The following SFMBT1 variants were observed in gnomAD, a reference collection of about 807,000 sequenced individuals.
The protein encoded by SFMBT1 is Scm like with four mbt domains 1, also known as scm-like with four MBT domains protein 1.
Under a neutral mutation model 108.7 loss-of-function variants are expected in SFMBT1, and 32 were observed. The observed-to-expected ratio is 0.29, with a 90% CI of 0.22 to 0.40. The LOEUF (loss-of-function observed/expected upper bound fraction) is 0.40. Ranked by LOEUF, SFMBT1 falls within the 10% of genes least tolerant of loss-of-function variation. The probability of loss-of-function intolerance (pLI) is 1.00; values close to 1 mark genes in which losing one functional copy is unlikely to be tolerated. For missense variants in SFMBT1, 816 were observed against 1,059.6 expected (o/e 0.77, Z 3.19); for synonymous variants, 348 against 369.5 (o/e 0.94, Z 0.67).
chr3:52,912,384 T>G (rs1702236580), intron 16 of SFMBT1, among the ~76,000 whole-genome samples, 154 bp downstream of exon 16: 1 of 152,166 alleles, frequency 6.6e-6, no homozygotes, highest in Non-Finnish European at 1.5e-5. Flanking sequence ...TTCATCATGT[T>G]GACCAGGCTG....
At chr3:52,949,222 T>C (rs1484384248) in intron 3 of SFMBT1, among the ~76,000 whole-genome samples, 1 of 152,146 alleles carries the variant, frequency 6.6e-6, no homozygotes, top group Non-Finnish European at 1.5e-5. Context: ...GTGTGCTTTA[T>C]GGGCCTGGGT....
At chr3:52,980,630 T>C (rs996488012) in intron 1 of SFMBT1, among the ~76,000 whole-genome samples, 2 of 135,778 alleles carry the variant, frequency 1.5e-5, no homozygotes, top group Non-Finnish European at 3.1e-5. Context: ...TCAAGATAAG[T>C]AAATCCAGCA....
intron 1 of SFMBT1, among the ~76,000 whole-genome samples, chr3:53,031,173 C>T (rs1699672736): frequency 6.6e-6 from 1 of 152,182 alleles, no homozygotes; most frequent in South Asian, 2.1e-4. Context: ...CCATTAACAA[C>T]AGTGGGAGGC....
At chr3:52,992,471 T>A (rs542377956) in intron 1 of SFMBT1, among the ~76,000 whole-genome samples, 5 of 152,332 alleles carry the variant, frequency 3.3e-5, no homozygotes, top group Admixed American at 1.3e-4. Flanking sequence ...AAAATTTTTT[T>A]AATAATAAAT....
At chr3:52,939,959 G>T (rs562671574) in intron 4 of SFMBT1, among the ~76,000 whole-genome samples, 2 of 151,034 alleles carry the variant, frequency 1.3e-5, no homozygotes, top group East Asian at 3.9e-4. Context: ...TTTTTTCACT[G>T]TTTCTATTAT....
chr3:53,043,119 A>T (rs1476668658), intron 1 of SFMBT1: 1 of 152,272 alleles, frequency 6.6e-6, no homozygotes, highest in Non-Finnish European at 1.5e-5. Context: ...GAACTAACAA[A>T]ATAAGAATTC....
Position 52,996,205 on chromosome 3 carries a change from C to G in SFMBT1, c.-130-26947G>C, listed in dbSNP as rs537951521. ...CAAAAAGCTCTTAAAAATAAACAAT[C>G]CTTTTTTTTTTTTTTTTTTTTTTTG... On this transcript the variant is annotated intron_variant, in intron 1 of 20. Transcript: ENST00000394752. 4.5e-4 allele frequency among the ~76,000 whole-genome samples: 59 copies of G among 132,300 alleles called. 3 individuals are homozygous for G. In the South Asian group the frequency reaches 0.013, roughly 29 times the overall value. 86.8% of individuals were successfully genotyped at this position (132,300 alleles called of 152,430 possible).
intron 1 of SFMBT1, among the ~76,000 whole-genome samples, chr3:53,015,368 T>G (rs1699091256): frequency 6.6e-6 from 1 of 151,772 alleles, no homozygotes; most frequent in Middle Eastern, 3.2e-3. Context: ...GAAAAAACAG[T>G]TTGGCAGTTC....
intron 2 of SFMBT1, among the ~76,000 whole-genome samples, chr3:52,961,414 T>C (rs185604937): frequency 1.3e-5 from 2 of 152,170 alleles, no homozygotes; most frequent in African/African-American, 4.8e-5. Flanking sequence ...CACTTAAAAA[T>C]TGTTAAAACG....
At chr3:52,915,742 C>A (rs1029353874) in intron 14 of SFMBT1, among the ~76,000 whole-genome samples, 1 of 152,120 alleles carries the variant, frequency 6.6e-6, no homozygotes, top group African/African-American at 2.4e-5. Flanking sequence ...ATTTTTTTCA[C>A]ATAAACTGTG....
chr3:53,003,884 T>G lies in SFMBT1; in HGVS notation c.-130-34626A>C, dbSNP rs1192543588. Among the ~76,000 whole-genome samples the G allele has an allele frequency of 3.3e-5, 5 of 150,110 alleles. 2 individuals are homozygous for G. The highest frequency in any genetic ancestry group is 7.5e-5 in the Non-Finnish European group (5 of 67,052). ...ACATTTTATATCTTAGAAATCTTTC[T>G]GAGAAATCAACAATACTTAACAAGT... is the stretch of plus-strand genomic sequence containing the variant. On this transcript the variant is annotated intron_variant, in intron 1 of 20. Coordinates refer to ENST00000394752, the MANE Select transcript of SFMBT1 (RefSeq NM_016329.4).
At chr3:52,994,018 A>G (rs1481815873) in intron 1 of SFMBT1, among the ~76,000 whole-genome samples, 1 of 150,462 alleles carries the variant, frequency 6.6e-6, no homozygotes, top group African/African-American at 2.4e-5. Context: ...TCTTTATAAT[A>G]CAAGTAGAAC....
At chr3:52,971,814 G>C (rs765627560) in intron 1 of SFMBT1, among the ~76,000 whole-genome samples, 2 of 152,162 alleles carry the variant, frequency 1.3e-5, no homozygotes, top group African/African-American at 2.4e-5. Flanking sequence ...GAGAAAAGGA[G>C]GACTATTCCA....
At chr3:52,973,371 T>G (rs577572626) in intron 1 of SFMBT1, among the ~76,000 whole-genome samples, 67 of 152,236 alleles carry the variant, frequency 4.4e-4, no homozygotes, top group Admixed American at 3.7e-3. Flanking sequence ...ATACTGAAGC[T>G]TGGAGAAATT....
At chr3:52,973,183 T>C (rs1269263204) in intron 1 of SFMBT1, among the ~76,000 whole-genome samples, 1 of 151,968 alleles carries the variant, frequency 6.6e-6, no homozygotes, top group Non-Finnish European at 1.5e-5. Context: ...CACCACTGCA[T>C]TCTAGCCTGG....
rs60211879 is a variant in SFMBT1 at position 53,029,171 on chromosome 3, C to CAAA, written c.-131+16642_-131+16644dup. On this transcript the variant is annotated intron_variant, in intron 1 of 20. Coordinates refer to ENST00000394752, the MANE Select transcript of SFMBT1 (RefSeq NM_016329.4). ...TGGGCGACAGAGCGAGACTCCGTCT[C>CAAA]AAAAAAAAAAAAAAAAAAAAAAAGT... Among the ~76,000 whole-genome samples the CAAA allele has an allele frequency of 0.012, 577 of 48,928 alleles. 36 individuals are homozygous for CAAA. The South Asian group carries it at 0.17, about 14-fold the overall frequency. The allele number at this position is 48,928 out of a possible 152,430, so 32.1% of individuals were successfully genotyped here. A position where few individuals can be genotyped will look rare whatever the true frequency, so the allele number is the denominator to read the frequency against.
chr3:52,907,448 T>G, intron 18 of SFMBT1, 107 bp downstream of exon 18: 2 of 1,517,820 alleles, frequency 1.3e-6, no homozygotes, highest in Middle Eastern at 2.1e-4. Context: ...CCATCTTCTA[T>G]TGGCCAGAGA....
At chr3:52,991,797 C>T (rs73839784) in intron 1 of SFMBT1, among the ~76,000 whole-genome samples, 2,803 of 152,202 alleles carry the variant, frequency 0.018, 90 homozygotes, top group African/African-American at 0.064. Flanking sequence ...TGAGGATGCA[C>T]CATCAATGAG....
intron 1 of SFMBT1, among the ~76,000 whole-genome samples, chr3:52,976,807 G>A (rs1704535048): frequency 6.6e-6 from 1 of 152,164 alleles, no homozygotes; most frequent in Admixed American, 6.6e-5. Context: ...AGATATGAAC[G>A]ATAATTGTAG....
Sources: allele counts gnomAD v4.1 joint callset (sites outside exome capture counted in the v4.1 genomes callset), GRCh38; gene constraint gnomAD v4.1.1; transcripts MANE v1.5; gene names NCBI Gene and HGNC (gene_info 2026-07-23, HGNC 2026-07-21).